Variants in MANSC1 observed in about 807,000 individuals in gnomAD.
The protein encoded by MANSC1 is MANSC domain-containing protein 1.
In MANSC1, 13 loss-of-function variants were observed where a neutral mutation model predicts 14.1. That is an observed-to-expected ratio of 0.92 (90% CI 0.60 to 1.46). MANSC1 has a LOEUF of 1.46. MANSC1 is among the 40% of genes most tolerant of loss of function. The pLI, the probability that MANSC1 is intolerant of heterozygous loss-of-function variation, is 0.00. For missense variants in MANSC1, 486 were observed against 511.4 expected (o/e 0.95, Z 0.48); for synonymous variants, 227 against 200.7 (o/e 1.13, Z -1.11).
intron 1 of MANSC1, among the ~76,000 whole-genome samples, chr12:12,348,803 G>A (rs192284020): frequency 6.6e-6 from 1 of 150,722 alleles, no homozygotes; most frequent in Admixed American, 6.6e-5. Flanking sequence ...TCAAAATTCT[G>A]TATACAGTAA....
chr12:12,343,374 A>C lies in MANSC1; in HGVS notation c.-60T>G. 3 of 1,255,854 alleles carry C rather than the reference A, an allele frequency of 2.4e-6. No homozygotes were observed. The highest frequency in any genetic ancestry group is 3.5e-6 in the Non-Finnish European group (3 of 868,678). The allele number at this position is 1,255,854 out of a possible 1,614,324, so 77.8% of individuals were successfully genotyped here. A position where few individuals can be genotyped will look rare whatever the true frequency, so the allele number is the denominator to read the frequency against. ...CAAGGATAATCCTCCCTCTGGTCTT[A>C]GTTTGCTTTAAGAAGGCTGCACAGA... On this transcript the variant is annotated 5_prime_UTR_variant, in exon 2 of 4. Coordinates refer to ENST00000535902, the MANE Select transcript of MANSC1 (RefSeq NM_018050.4).
chr12:12,340,457 G>C (rs889517912), intron 2 of MANSC1, among the ~76,000 whole-genome samples: 2 of 152,156 alleles, frequency 1.3e-5, no homozygotes, highest in African/African-American at 4.8e-5. Flanking sequence ...TCTCAACAAT[G>C]TGATACCAGA....
At chr12:12,343,008 G>C in intron 2 of MANSC1, 84 bp downstream of exon 2, 1 of 933,328 alleles carries the variant, frequency 1.1e-6, no homozygotes, top group Non-Finnish European at 1.7e-6. Flanking sequence ...GAGAATCACT[G>C]GTATAAGTTA....
Position 12,343,428 on chromosome 12 carries a change from G to A in MANSC1, c.-100-14C>T. Reference sequence around the variant, plus strand: ...TGAGATTTCTCTCTAGAACAAAAATGGAAAATCATCAATGAGTTTTGTTTC... The same window carrying A: ...TGAGATTTCTCTCTAGAACAAAAATAGAAAATCATCAATGAGTTTTGTTTC... On this transcript the variant is annotated splice_polypyrimidine_tract_variant and intron_variant, in intron 1 of 3. Coordinates refer to ENST00000535902, the MANE Select transcript of MANSC1 (RefSeq NM_018050.4). 2 of 647,150 alleles carry A rather than the reference G, an allele frequency of 3.1e-6. No homozygotes were observed. Among genetic ancestry groups the A allele is most frequent in the South Asian group, 2.0e-5 (1 of 49,804 alleles). The allele number at this position is 647,150 out of a possible 1,614,324, so 40.1% of individuals were successfully genotyped here. A position where few individuals can be genotyped will look rare whatever the true frequency, so the allele number is the denominator to read the frequency against.
At position 12,326,591 on chromosome 12, in the gene MANSC1, AAG is replaced by A. The variant is rs1017155074; in HGVS notation, c.*3434_*3435del. The stretch of plus-strand genomic sequence containing the variant: ...TCATCCAGGAGTCCTCAGGTTTTTT[AAG>A]AGTTTTTTAGTTTTTTTTTTGTTGT... On this transcript the variant is annotated 3_prime_UTR_variant, in exon 4 of 4. Transcript: ENST00000535902. The A allele has an allele frequency of 6.8e-6, 1 of 146,146 alleles. No individual in the cohort carries two copies. Among genetic ancestry groups the A allele is most frequent in the African/African-American group, 2.5e-5 (1 of 39,732 alleles). 9.1% of individuals were successfully genotyped at this position (146,146 alleles called of 1,614,324 possible). A position where few individuals can be genotyped will look rare whatever the true frequency, so the allele number is the denominator to read the frequency against.
rs1862701548 is a variant in MANSC1 at position 12,326,346 on chromosome 12, T to A, written c.*3681A>T. On this transcript the variant is annotated 3_prime_UTR_variant, in exon 4 of 4. Coordinates refer to ENST00000535902, the MANE Select transcript of MANSC1 (RefSeq NM_018050.4). ...TTCCCTTTACAAGCAAGAAAATCTC[T>A]CCTAGAAGTCCCTAGTAGGTTTCCT... 6.6e-6 allele frequency: 1 copy of A among 152,164 alleles called. No homozygotes were observed. Among genetic ancestry groups the A allele is most frequent in the Non-Finnish European group, 1.5e-5 (1 of 68,028 alleles). 9.4% of individuals were successfully genotyped at this position (152,164 alleles called of 1,614,324 possible). A position where few individuals can be genotyped will look rare whatever the true frequency, so the allele number is the denominator to read the frequency against.
Position 12,329,352 on chromosome 12 carries a change from A to T in MANSC1, c.*675T>A, listed in dbSNP as rs994996025. The T allele has an allele frequency of 1.3e-5, 2 of 152,216 alleles. No individual in the cohort carries two copies. The highest frequency in any genetic ancestry group is 2.9e-5 in the Non-Finnish European group (2 of 68,036). 9.4% of individuals were successfully genotyped at this position (152,216 alleles called of 1,614,324 possible). On this transcript the variant is annotated 3_prime_UTR_variant, in exon 4 of 4. Coordinates refer to ENST00000535902, the MANE Select transcript of MANSC1 (RefSeq NM_018050.4). ...AGGAATCCATATAAAAAGAAAAGCAAATCCATTAGAAATTGATATAAACAG... is the reference window on the plus strand; with the variant it reads ...AGGAATCCATATAAAAAGAAAAGCATATCCATTAGAAATTGATATAAACAG...
At position 12,329,684 on chromosome 12, in the gene MANSC1, G is replaced by A. The variant is rs1862754331; in HGVS notation, c.*343C>T. ...GTGGATCACTAGGTCAGGAGTTTGA[G>A]ACCAGCCTGACCAACATGGTGAAAC... On this transcript the variant is annotated 3_prime_UTR_variant, in exon 4 of 4. Coordinates refer to ENST00000535902, the MANE Select transcript of MANSC1 (RefSeq NM_018050.4). The A allele has an allele frequency of 5.3e-6, 1 of 190,398 alleles. No homozygotes were observed. The highest frequency in any genetic ancestry group is 1.1e-5 in the Non-Finnish European group (1 of 91,344). The allele number at this position is 190,398 out of a possible 1,614,324, so 11.8% of individuals were successfully genotyped here. A position where few individuals can be genotyped will look rare whatever the true frequency, so the allele number is the denominator to read the frequency against.
chr12:12,347,633 T>G (rs1863025648), intron 1 of MANSC1, among the ~76,000 whole-genome samples: 2 of 152,132 alleles, frequency 1.3e-5, no homozygotes, highest in South Asian at 4.1e-4. Context: ...AGATGACAAA[T>G]AAGCATATGA....
chr12:12,330,809 G>T lies in MANSC1; in HGVS notation c.514C>A (p.Leu172Ile), dbSNP rs370252038. 6.8e-6 allele frequency: 11 copies of T among 1,614,098 alleles called. No individual in the cohort carries two copies. The highest frequency in any genetic ancestry group is 1.7e-5 in the Admixed American group (1 of 60,008). ...TCTGAGGATCCAAACTTCTGAGAAAGTGTGTCTCTCCATGAGATATCGGTG... is the reference window on the plus strand; with the variant it reads ...TCTGAGGATCCAAACTTCTGAGAAATTGTGTCTCTCCATGAGATATCGGTG... ...KPTDISWRDT[L>I]SQKFGSSDHL... Residue 172 changes from leucine (L) to isoleucine (I), a missense_variant, in exon 4 of 4, where the codon CTT (leucine) becomes ATT (isoleucine). Physicochemically the swap from Leu to Ile is conservative, Grantham distance 5. Coordinates refer to ENST00000535902, the MANE Select transcript of MANSC1 (RefSeq NM_018050.4).
chr12:12,331,547 A>G (rs1026146745), intron 3 of MANSC1, among the ~76,000 whole-genome samples: 1 of 152,230 alleles, frequency 6.6e-6, no homozygotes, highest in Non-Finnish European at 1.5e-5. Flanking sequence ...GGCTTCTGCA[A>G]GACATGCCAC....
chr12:12,331,036 G>A, intron 3 of MANSC1, 78 bp from the exon 4 acceptor site: 1 of 949,856 alleles, frequency 1.1e-6, no homozygotes. Flanking sequence ...AAACATATCA[G>A]CTTGTTCAAA....
At chr12:12,335,630 G>A (rs1862848832) in intron 3 of MANSC1, among the ~76,000 whole-genome samples, 1 of 151,434 alleles carries the variant, frequency 6.6e-6, no homozygotes, top group Non-Finnish European at 1.5e-5. Context: ...TGAGTCAGGA[G>A]GTCAGGAATT....
At chr12:12,347,208 C>T (rs1387660246) in intron 1 of MANSC1, among the ~76,000 whole-genome samples, 1 of 152,038 alleles carries the variant, frequency 6.6e-6, no homozygotes, top group East Asian at 1.9e-4. Context: ...CAGTGGGAGC[C>T]CTGAGCTTGT....
intron 1 of MANSC1, among the ~76,000 whole-genome samples, chr12:12,347,564 A>C (rs924792247): frequency 6.6e-6 from 1 of 152,256 alleles, no homozygotes; most frequent in Admixed American, 6.5e-5. Context: ...AGTCAGCAAT[A>C]AGAAAAGAAA....
chr12:12,345,500 A>G (rs1455661546), intron 1 of MANSC1, among the ~76,000 whole-genome samples: 2 of 152,144 alleles, frequency 1.3e-5, no homozygotes, highest in Non-Finnish European at 2.9e-5. Flanking sequence ...AGGAAAGTTT[A>G]GGGGCAGGTT....
chr12:12,342,306 T>G (rs906893037), intron 2 of MANSC1, among the ~76,000 whole-genome samples: 2 of 152,252 alleles, frequency 1.3e-5, no homozygotes, highest in African/African-American at 4.8e-5. Context: ...CTGTTTTCTC[T>G]CTGGCAACTA....
At chr12:12,338,713 C>T in intron 2 of MANSC1, 153 bp from the exon 3 acceptor site, 1 of 730,354 alleles carries the variant, frequency 1.4e-6, no homozygotes, top group Non-Finnish European at 2.2e-6. Context: ...TTTCCTTTTC[C>T]TTAGCTTAGT....
chr12:12,330,506 T>C lies in MANSC1; in HGVS notation c.817A>G (p.Thr273Ala), dbSNP rs1013619553. Residue 273 changes from threonine to alanine, a missense_variant, in exon 4 of 4, where the codon ACT becomes GCT. By Grantham distance (58) the Thr-to-Ala change is moderately conservative. Transcript: ENST00000535902. ...QLATTAPPVT[T>A]VTSQPPTTLI... Reference sequence around the variant, plus strand: ...GTCGTGGGAGGCTGAGAAGTGACAGTGGTTACAGGTGGAGCTGTGGTGGCC... The same window carrying C: ...GTCGTGGGAGGCTGAGAAGTGACAGCGGTTACAGGTGGAGCTGTGGTGGCC... 16 of 1,613,846 alleles carry C rather than the reference T, an allele frequency of 9.9e-6. No individual in the cohort carries two copies. Among genetic ancestry groups the C allele is most frequent in the African/African-American group, 5.3e-5 (4 of 74,852 alleles).
Sources: allele counts gnomAD v4.1 joint callset (sites outside exome capture counted in the v4.1 genomes callset), GRCh38; gene constraint gnomAD v4.1.1; transcripts MANE v1.5; gene names NCBI Gene and HGNC (gene_info 2026-07-23, HGNC 2026-07-21).